The following PRPF3 variants were observed in gnomAD, a reference collection of about 807,000 sequenced individuals.
The protein encoded by PRPF3 is U4/U6 small nuclear ribonucleoprotein Prp3.
Under a neutral mutation model 89.2 loss-of-function variants are expected in PRPF3, and 3 were observed. That is an observed-to-expected ratio of 0.03 (90% CI 0.02 to 0.09). The LOEUF is 0.09. PRPF3 is among the 10% of genes least tolerant of loss of function. The probability of loss-of-function intolerance (pLI) is 1.00; values close to 1 mark genes in which losing one functional copy is unlikely to be tolerated. For missense variants in PRPF3, 463 were observed against 828.8 expected, an observed-to-expected ratio of 0.56 and a Z score of 5.42; for synonymous variants, 270 against 289.1, an observed-to-expected ratio of 0.93 and a Z score of 0.67.
chr1:150,351,561 C>T (rs1333406446), intron 15 of PRPF3, among the ~76,000 whole-genome samples: 3 of 151,028 alleles, frequency 2.0e-5, no homozygotes, highest in Non-Finnish European at 2.9e-5. Flanking sequence ...TGTGCAGTGG[C>T]GCAGTCATAG....
rs1553871996 is a variant in PRPF3, at chr1:150,343,400, G to T, written c.1374G>T (p.Lys458Asn). The T allele has an allele frequency of 6.2e-7, 1 of 1,607,758 alleles. No homozygotes were observed. The stretch of plus-strand genomic sequence containing the variant: ...GACAAACAAGGAGGGAAGCACAGAA[G>T]GAACTACAAGAAAAAGTCAGGCTGG... ...LRRQTRREAQ[K>N]ELQEKVRLGL... is the part of the protein sequence containing the mutation. Residue 458 changes from lysine (K) to asparagine (N), a missense_variant, in exon 10 of 16, where the codon AAG becomes AAT. By Grantham distance (94) the Lys-to-Asn change is moderately conservative (BLOSUM62 0). Transcript: ENST00000324862.
intron 11 of PRPF3, 81 bp downstream of exon 11, chr1:150,344,342 G>T: frequency 6.2e-7 from 1 of 1,613,796 alleles, no homozygotes; most frequent in East Asian, 2.2e-5. Context: ...TTGGAGGGAG[G>T]GGAGAGTTCT....
rs2102036653 is a variant in PRPF3, at chr1:150,353,055, C to T, written c.*76C>T. ...TCTCACTTATTCTATTTCCCAACCC[C>T]CTCCCACTTGTTTGTGTGATCTCAG... On this transcript the variant is annotated 3_prime_UTR_variant, in exon 16 of 16. Coordinates refer to ENST00000324862, the MANE Select transcript of PRPF3 (RefSeq NM_004698.4). 6.3e-7 allele frequency: 1 copy of T among 1,582,496 alleles called. No homozygotes were observed. The highest frequency in any genetic ancestry group is 8.7e-7 in the Non-Finnish European group (1 of 1,152,808).
chr1:150,338,114 C>G (rs782572678), intron 7 of PRPF3, 46 bp from the exon 8 acceptor site: 3 of 1,558,268 alleles, frequency 1.9e-6, no homozygotes, highest in Admixed American at 1.8e-5. Context: ...ATTCTGTTTT[C>G]TATGACTCCA....
intron 6 of PRPF3, 73 bp from the exon 7 acceptor site, chr1:150,334,862 C>T: frequency 1.3e-6 from 2 of 1,567,824 alleles, no homozygotes; most frequent in Non-Finnish European, 1.7e-6. Context: ...AGCCACCACG[C>T]CTGGCTTTAT....
intron 1 of PRPF3, 61 bp downstream of exon 1, chr1:150,321,653 C>T (rs587720834): frequency 6.6e-6 from 1 of 152,598 alleles, no homozygotes; most frequent in South Asian, 2.1e-4. Flanking sequence ...TGGCCGGGGA[C>T]TCAGTCCAAG....
intron 4 of PRPF3, among the ~76,000 whole-genome samples, chr1:150,331,525 C>A (rs587700092): frequency 4.6e-5 from 7 of 151,794 alleles, no homozygotes; most frequent in African/African-American, 1.5e-4. Context: ...CCACCACACC[C>A]GGCTAATTTT....
intron 6 of PRPF3, among the ~76,000 whole-genome samples, chr1:150,334,487 TA>T (rs1553866680): frequency 6.6e-6 from 1 of 151,844 alleles, no homozygotes; most frequent in African/African-American, 2.4e-5. Flanking sequence ...AGTGCCCGTC[TA>T]AATTTTGTAT....
chr1:150,349,843 C>T (rs1449352794), intron 15 of PRPF3, among the ~76,000 whole-genome samples: 3 of 125,756 alleles, frequency 2.4e-5, no homozygotes, highest in Non-Finnish European at 4.7e-5. Flanking sequence ...TTAATGTTTT[C>T]ATGTTTGCTT....
Position 150,325,071 on chromosome 1 carries a change from C to T in PRPF3, c.129C>T (p.Asp43=), listed in dbSNP as rs1655548076. The change falls in exon 2 of 16, where the codon GAC becomes GAT. Residue 43 remains aspartate (D), a synonymous_variant. Transcript: ENST00000324862. ...AALNCVGKGM[D]KKKAADHLKP... is the part of the protein sequence containing the mutation. ...TGAACTGTGTGGGGAAGGGCATGGA[C>T]AAGAAGAAGGCAGCCGGTATGTACC... is the stretch of plus-strand genomic sequence containing the variant. 1 of 1,613,510 alleles carries T rather than the reference C, an allele frequency of 6.2e-7. No homozygotes were observed. Among genetic ancestry groups the T allele is most frequent in the Admixed American group, 1.7e-5 (1 of 59,942 alleles).
At chr1:150,342,679 C>T (rs1327270500) in intron 9 of PRPF3, among the ~76,000 whole-genome samples, 7 of 151,968 alleles carry the variant, frequency 4.6e-5, no homozygotes, top group Admixed American at 3.9e-4. Context: ...CGTGCCACCA[C>T]GCCCAGCTAA....
chr1:150,338,936 T>A (rs1657354971), intron 8 of PRPF3, among the ~76,000 whole-genome samples: 1 of 152,228 alleles, frequency 6.6e-6, no homozygotes, highest in Non-Finnish European at 1.5e-5. Flanking sequence ...TTTGCTCTGT[T>A]ACACATTGTT....
chr1:150,322,871 G>A (rs1655213751), intron 1 of PRPF3, among the ~76,000 whole-genome samples: 1 of 97,962 alleles, frequency 1.0e-5, no homozygotes, highest in South Asian at 3.7e-4. Flanking sequence ...CTCCCATTTA[G>A]ACACCTTTTT....
chr1:150,327,006 C>T (rs1553863968), intron 3 of PRPF3, among the ~76,000 whole-genome samples: 1 of 151,138 alleles, frequency 6.6e-6, no homozygotes, highest in Non-Finnish European at 1.5e-5. Context: ...ATGATTGATC[C>T]ACAGTATACA....
Position 150,353,058 on chromosome 1 carries a change from C to T in PRPF3, c.*79C>T, listed in dbSNP as rs1413221116. 3 of 1,577,194 alleles carry T rather than the reference C, an allele frequency of 1.9e-6. No homozygotes were observed. The highest frequency in any genetic ancestry group is 1.1e-5 in the South Asian group (1 of 89,956). ...CACTTATTCTATTTCCCAACCCCCT[C>T]CCACTTGTTTGTGTGATCTCAGAAC... is the stretch of plus-strand genomic sequence containing the variant. On this transcript the variant is annotated 3_prime_UTR_variant, in exon 16 of 16. Coordinates refer to ENST00000324862, the MANE Select transcript of PRPF3 (RefSeq NM_004698.4).
At chr1:150,344,413 A>G (rs2102012679) in intron 11 of PRPF3, 21 bp from the exon 12 acceptor site, 1 of 1,614,086 alleles carries the variant, frequency 6.2e-7, no homozygotes. Flanking sequence ...TCACTTGTGG[A>G]TGTCCTTCCT....
chr1:150,335,763 C>CTTTT (rs34699046), intron 7 of PRPF3, among the ~76,000 whole-genome samples: 25 of 142,398 alleles, frequency 1.8e-4, no homozygotes, highest in Admixed American at 2.1e-4. Flanking sequence ...CCGCCCCCGC[C>CTTTT]TTTTTTTTTT....
chr1:150,338,339 TA>T lies in PRPF3; in HGVS notation c.1202+14del. 1.2e-6 allele frequency: 2 copies of T among 1,613,230 alleles called. No individual in the cohort carries two copies. The highest frequency in any genetic ancestry group is 1.7e-6 in the Non-Finnish European group (2 of 1,179,340). On this transcript the variant is annotated intron_variant, in intron 8 of 15. Transcript: ENST00000324862. The stretch of plus-strand genomic sequence containing the variant: ...ATGGCTTTGATCTGTGAGTTTGTTT[TA>T]GTACCTTTTTAAAAAAACAGTTTTT...
chr1:150,353,162 C>T lies in PRPF3; in HGVS notation c.*183C>T. 2 of 702,756 alleles carry T rather than the reference C, an allele frequency of 2.8e-6. No homozygotes were observed. Among genetic ancestry groups the T allele is most frequent in the Admixed American group, 2.5e-5 (1 of 40,500 alleles). 43.5% of individuals were successfully genotyped at this position (702,756 alleles called of 1,614,324 possible). On this transcript the variant is annotated 3_prime_UTR_variant, in exon 16 of 16. Coordinates refer to ENST00000324862, the MANE Select transcript of PRPF3 (RefSeq NM_004698.4). ...CAGCCTGGTGTTGCCCTTTATTCCC[C>T]TTATGTGCATATGATTAAAGAGTTA...
Sources: allele counts gnomAD v4.1 joint callset (sites outside exome capture counted in the v4.1 genomes callset), GRCh38; gene constraint gnomAD v4.1.1; transcripts MANE v1.5; gene names NCBI Gene and HGNC (gene_info 2026-07-23, HGNC 2026-07-21).